TRMT11: variants seen among roughly 807,000 people sequenced by gnomAD.
The protein encoded by TRMT11 is tRNA methyltransferase 11, also known as tRNA (guanine(10)-N(2))-methyltransferase TRMT11.
In TRMT11, 53 loss-of-function variants were observed where a neutral mutation model predicts 62.8. The observed-to-expected ratio is 0.84, with a 90% CI of 0.68 to 1.06. TRMT11 has a LOEUF of 1.06. Among genes scored for constraint, TRMT11 ranks in the 50% least tolerant of loss-of-function variants. The pLI is 0.00. For synonymous variants in TRMT11, 188 were observed against 190.3 expected (o/e 0.99, Z 0.10); for missense variants, 556 against 553.4 (o/e 1.00, Z -0.05).
At chr6:126,187,249 G>A (rs1221078194) in intron 1 of TRMT11, among the ~76,000 whole-genome samples, 1 of 151,130 alleles carries the variant, frequency 6.6e-6, no homozygotes, top group East Asian at 1.9e-4. Context: ...GAAATAATAA[G>A]TGAATTTAGT....
chr6:126,231,042 A>G, the TRMT11 span, among the ~76,000 whole-genome samples: 6 of 152,204 alleles, frequency 3.9e-5, no homozygotes, highest in African/African-American at 1.4e-4. Context: ...TTTCTTTCAC[A>G]TATAATGTGG....
chr6:126,168,959 C>T (rs9375428), intron 21 of TRMT11, among the ~76,000 whole-genome samples: 3 of 152,174 alleles, frequency 2.0e-5, no homozygotes, highest in South Asian at 2.1e-4. Context: ...TCTTTTCCAA[C>T]GAAAATGCAG....
chr6:126,059,704 A>T (rs1191936464), intron 17 of TRMT11, among the ~76,000 whole-genome samples: 2 of 152,182 alleles, frequency 1.3e-5, no homozygotes, highest in Admixed American at 6.5e-5. Context: ...AGTAATATGG[A>T]GGTGGGATTT....
the TRMT11 span, among the ~76,000 whole-genome samples, chr6:126,223,423 A>AAAAACAAAACAAAACAAAACAAAAC: frequency 6.0e-5 from 9 of 148,836 alleles, no homozygotes; most frequent in African/African-American, 2.3e-4. Context: ...TCCGTCTCGA[A>AAAAACAAAACAAAACAAAACAAAAC]AAAACAAAAC....
intron 1 of TRMT11, among the ~76,000 whole-genome samples, chr6:126,182,544 G>A (rs1778479390): frequency 6.6e-6 from 1 of 151,932 alleles, no homozygotes; most frequent in African/African-American, 2.4e-5. Flanking sequence ...TATGGGGTCT[G>A]TGCTTGAGAT....
intron 17 of TRMT11, among the ~76,000 whole-genome samples, chr6:126,105,842 C>A (rs1417825463): frequency 6.6e-6 from 1 of 152,126 alleles, no homozygotes; most frequent in African/African-American, 2.4e-5. Context: ...ATTATAAGGT[C>A]CTTGAAACCA....
chr6:126,258,287 C>G, the TRMT11 span: 4 of 490,152 alleles, frequency 8.2e-6, no homozygotes, highest in South Asian at 6.7e-5. Context: ...AAAGTAAACA[C>G]GTGGTCCTGA....
upstream of TRMT11, among the ~76,000 whole-genome samples, chr6:126,175,654 T>G (rs72977825): frequency 2.6e-5 from 4 of 152,310 alleles, no homozygotes; most frequent in Non-Finnish European, 5.9e-5. Flanking sequence ...TTTCATCCTT[T>G]CACAAACCTG....
the TRMT11 span, among the ~76,000 whole-genome samples, chr6:126,263,284 A>G: frequency 6.6e-6 from 1 of 152,222 alleles, no homozygotes; most frequent in Non-Finnish European, 1.5e-5. Flanking sequence ...ATAGTGAATT[A>G]TAGTTCCATG....
chr6:126,045,536 G>T lies in TRMT11; in HGVS notation c.*1369+4691G>T, dbSNP rs181030560. Among the ~76,000 whole-genome samples, 15 of 152,318 alleles carry T rather than the reference G, an allele frequency of 9.8e-5. 1 individual carries two copies. Among genetic ancestry groups the T allele is most frequent in the Admixed American group, 9.8e-4 (15 of 15,306 alleles). ...CATTGCCTGTTAATGAGGAGCAAAT[G>T]GGGCAGTGGTTGCAGGCCAAGTATC... On this transcript the variant is annotated intron_variant and NMD_transcript_variant, in intron 16 of 22. Coordinates refer to the TRMT11 transcript ENST00000648977.
At chr6:126,249,407 ACTACTTGATT>A in the TRMT11 span, among the ~76,000 whole-genome samples, 1 of 152,226 alleles carries the variant, frequency 6.6e-6, no homozygotes, top group South Asian at 2.1e-4. Context: ...GTCCAATCAC[ACTACTTGATT>A]CTGCAGGGAA....
the TRMT11 span, among the ~76,000 whole-genome samples, chr6:126,242,972 G>T: frequency 6.6e-6 from 1 of 152,114 alleles, no homozygotes; most frequent in African/African-American, 2.4e-5. Context: ...CACAGGAAAA[G>T]AAACTACCAT....
downstream of TRMT11, among the ~76,000 whole-genome samples, chr6:126,043,633 A>G (rs1775951486): frequency 6.6e-6 from 1 of 152,136 alleles, no homozygotes; most frequent in Non-Finnish European, 1.5e-5. Flanking sequence ...TGCCACACTG[A>G]CTTCTACAAT....
intron 12 of TRMT11, among the ~76,000 whole-genome samples, chr6:126,034,952 G>T (rs1312728132): frequency 1.3e-5 from 2 of 152,046 alleles, no homozygotes; most frequent in African/African-American, 4.8e-5. Context: ...ATGAAAAGGT[G>T]ATGAAAAATA....
the TRMT11 span, among the ~76,000 whole-genome samples, chr6:126,242,466 A>G: frequency 1.3e-5 from 2 of 152,296 alleles, no homozygotes. Context: ...AAAAAAGCCC[A>G]CATTGCCAAG....
chr6:126,233,164 T>G, the TRMT11 span, among the ~76,000 whole-genome samples: 656 of 152,294 alleles, frequency 4.3e-3, 11 homozygotes, highest in African/African-American at 0.015. Flanking sequence ...ATTGAAGAGA[T>G]CACATCTGTG....
Position 126,065,864 on chromosome 6 carries a change from G to A in TRMT11, c.*1437+12674G>A, listed in dbSNP as rs575639368. Among the ~76,000 whole-genome samples the A allele has an allele frequency of 2.6e-5, 4 of 152,248 alleles. No homozygotes were observed. The South Asian group carries it at 6.2e-4, about 24-fold the overall frequency. On this transcript the variant is annotated intron_variant and NMD_transcript_variant, in intron 17 of 22. Transcript: ENST00000648977. ...ACTGTAGACTGAAGTTGTCCTTCACGTGTACAATGAAAATAATAGTACCTA... is the reference window on the plus strand; with the variant it reads ...ACTGTAGACTGAAGTTGTCCTTCACATGTACAATGAAAATAATAGTACCTA...
At chr6:126,041,301 A>T (rs1775872565), downstream of TRMT11, among the ~76,000 whole-genome samples, 1 of 152,166 alleles carries the variant, frequency 6.6e-6, no homozygotes, top group Non-Finnish European at 1.5e-5. Flanking sequence ...TTGTGCTTTA[A>T]AAGTTTGAGA....
chr6:126,172,813 C>G (rs1038174508), upstream of TRMT11, among the ~76,000 whole-genome samples: 1 of 152,010 alleles, frequency 6.6e-6, no homozygotes, highest in Non-Finnish European at 1.5e-5. Context: ...CTGTAAAAGT[C>G]TCTGATACAT....
Sources: gnomAD v4.1 joint callset for allele counts (sites outside exome capture counted in the v4.1 genomes callset) on GRCh38, gnomAD v4.1.1 for gene constraint, MANE v1.5 for transcripts, NCBI Gene and HGNC (gene_info 2026-07-23, HGNC 2026-07-21) for gene names.